The following KDM7A variants were observed in gnomAD, a reference collection of about 807,000 sequenced individuals.
KDM7A encodes the protein lysine-specific demethylase 7A.
A neutral mutation model predicts 114.8 loss-of-function variants in KDM7A; 28 were observed. The ratio of observed to expected loss-of-function variants is 0.24; its 90% CI spans 0.18 to 0.33. KDM7A has a LOEUF of 0.33. KDM7A is among the 10% of genes least tolerant of loss of function. KDM7A has a pLI of 1.00. For synonymous variants in KDM7A, 423 were observed against 397.8 expected (o/e 1.06, Z -0.75); for missense variants, 942 against 1,142.5 (o/e 0.82, Z 2.53).
At chr7:140,095,329 A>C (rs905096769) in intron 17 of KDM7A, among the ~76,000 whole-genome samples, 1 of 152,238 alleles carries the variant, frequency 6.6e-6, no homozygotes, top group African/African-American at 2.4e-5. Context: ...CAGTACAAAA[A>C]GAGACAAACC....
intron 1 of KDM7A, among the ~76,000 whole-genome samples, chr7:140,167,231 T>C (rs62491436): frequency 0.062 from 9,363 of 152,120 alleles, 355 homozygotes; most frequent in Non-Finnish European, 0.09. Flanking sequence ...TTGAATAAAA[T>C]TAGACAGGTT....
Position 140,099,984 on chromosome 7 carries a change from G to A in KDM7A, c.1678C>T (p.His560Tyr). Residue 560 changes from histidine (H) to tyrosine (Y), a missense_variant, in exon 13 of 20, where the codon CAT becomes TAT. His to Tyr is a moderately conservative substitution (Grantham distance 83, BLOSUM62 2). Transcript: ENST00000397560. Reference protein sequence around the residue: ...SSKLNGKFNKHLQPSSTVPEW... With the variant: ...SSKLNGKFNKYLQPSSTVPEW... ...GGTACTGTGGAGGATGGTTGGAGAT[G>A]TTTGTTGAATTTTCCATTCAGTTTA... 2 of 1,613,788 alleles carry A rather than the reference G, an allele frequency of 1.2e-6. No individual in the cohort carries two copies. Among genetic ancestry groups the A allele is most frequent in the East Asian group, 2.2e-5 (1 of 44,880 alleles).
At chr7:140,168,827 T>G (rs2116858236) in intron 1 of KDM7A, among the ~76,000 whole-genome samples, 1 of 152,238 alleles carries the variant, frequency 6.6e-6, no homozygotes, top group East Asian at 1.9e-4. Context: ...TTTACAGGAT[T>G]GAACAAATAT....
At chr7:140,139,782 G>C (rs1450736888) in intron 1 of KDM7A, among the ~76,000 whole-genome samples, 2 of 152,104 alleles carry the variant, frequency 1.3e-5, no homozygotes, top group African/African-American at 4.8e-5. Context: ...TCTTTGAAAA[G>C]ATTAACAAAG....
intron 13 of KDM7A, 105 bp from the exon 14 acceptor site, chr7:140,099,138 C>T: frequency 2.3e-6 from 2 of 875,820 alleles, no homozygotes; most frequent in Non-Finnish European, 3.5e-6. Context: ...AATTGAGACA[C>T]TGTCCCCATA....
intron 2 of KDM7A, among the ~76,000 whole-genome samples, chr7:140,135,037 TA>T (rs58259207): frequency 0.025 from 3,180 of 127,382 alleles, 75 homozygotes; most frequent in African/African-American, 0.067. Flanking sequence ...TAAGTCCCAT[TA>T]AAAAAAAAAA....
intron 1 of KDM7A, among the ~76,000 whole-genome samples, chr7:140,171,581 A>ATTTT (rs372430399): frequency 2.2e-4 from 31 of 144,104 alleles, no homozygotes; most frequent in East Asian, 5.9e-4. Flanking sequence ...ATATATATAT[A>ATTTT]TTTTTATATA....
At chr7:140,136,917 G>A (rs1818879711) in intron 2 of KDM7A, among the ~76,000 whole-genome samples, 1 of 152,144 alleles carries the variant, frequency 6.6e-6, no homozygotes, top group Non-Finnish European at 1.5e-5. Context: ...AACCTGTGAG[G>A]CGGAGGTTGC....
chr7:140,130,992 T>G (rs1239056822), intron 3 of KDM7A, among the ~76,000 whole-genome samples: 1 of 151,348 alleles, frequency 6.6e-6, no homozygotes, highest in Non-Finnish European at 1.5e-5. Flanking sequence ...TAGCTGGGAC[T>G]ACAGGCGCCC....
chr7:140,099,123 T>A, intron 13 of KDM7A, 90 bp from the exon 14 acceptor site: 1 of 976,464 alleles, frequency 1.0e-6, no homozygotes, highest in Non-Finnish European at 1.5e-6. Flanking sequence ...TTACAAAGAG[T>A]AGAGAATTGA....
chr7:140,155,625 A>G (rs1412321400), intron 1 of KDM7A, among the ~76,000 whole-genome samples: 2 of 152,222 alleles, frequency 1.3e-5, no homozygotes, highest in Admixed American at 1.3e-4. Flanking sequence ...ATTAGGAGAC[A>G]GTGGGAACTG....
chr7:140,091,916 A>G lies in KDM7A; in HGVS notation c.2619T>C (p.Asn873=), dbSNP rs10252951. 1.9e-6 allele frequency: 3 copies of G among 1,613,856 alleles called. No homozygotes were observed. The highest frequency in any genetic ancestry group is 2.5e-6 in the Non-Finnish European group (3 of 1,179,980). Residue 873 remains asparagine (N), a synonymous_variant, in exon 19 of 20, where the codon AAT becomes AAC. Coordinates refer to ENST00000397560, the MANE Select transcript of KDM7A (RefSeq NM_030647.2). ...CTGGCCTTTCTGGGCTTAGACTGCC[A>G]TTACTTATCTGGCACGCCCCCGAAG... ...NLTSGACQIS[N]GSLSPERPVG...
At chr7:140,123,788 A>G (rs6951217) in intron 7 of KDM7A, among the ~76,000 whole-genome samples, 52,706 of 152,082 alleles carry the variant, frequency 0.35, 9,389 homozygotes, top group Middle Eastern at 0.43. Context: ...TAAGCCTAGA[A>G]AATAGTATGC....
intron 1 of KDM7A, among the ~76,000 whole-genome samples, chr7:140,151,488 TAAAGGGATAGAAAATGAATGTGAGGGGGA>T (rs2116836301): frequency 6.6e-6 from 1 of 152,300 alleles, no homozygotes; most frequent in East Asian, 1.9e-4. Flanking sequence ...TTTGCAAATA[TAAAGGGATAGAAAATGAATGTGAGGGGGA>T]AAGTACAGAA....
At chr7:140,128,723 T>C (rs1818744201) in intron 4 of KDM7A, among the ~76,000 whole-genome samples, 1 of 152,248 alleles carries the variant, frequency 6.6e-6, no homozygotes. Flanking sequence ...TTCTCAGATA[T>C]TCCATGCTGA....
intron 1 of KDM7A, among the ~76,000 whole-genome samples, chr7:140,174,291 T>C (rs947819663): frequency 2.6e-5 from 4 of 152,242 alleles, no homozygotes; most frequent in African/African-American, 9.6e-5. Context: ...CAAGGATTGA[T>C]GGTCAAAAAG....
intron 14 of KDM7A, among the ~76,000 whole-genome samples, 175 bp from the exon 15 acceptor site, chr7:140,097,817 C>T (rs1473263718): frequency 1.3e-5 from 2 of 152,104 alleles, no homozygotes; most frequent in African/African-American, 4.8e-5. Flanking sequence ...GTCTTTCTCC[C>T]TAATTGGCCA....
rs187543087 is a variant in KDM7A, at chr7:140,092,311, G to A, written c.2458-234C>T. ...TAAGAAGGCGAAAGAGAGAGTGAGA[G>A]AAAACAACGTAAACAGGCACCACGC... On this transcript the variant is annotated intron_variant, in intron 18 of 19. Coordinates refer to ENST00000397560, the MANE Select transcript of KDM7A (RefSeq NM_030647.2). Among the ~76,000 whole-genome samples the A allele has an allele frequency of 1.2e-3, 177 of 152,284 alleles. 1 individual carries two copies. The highest frequency in any genetic ancestry group is 4.4e-3 in the Admixed American group (68 of 15,302).
At chr7:140,114,176 C>G (rs1254806084) in intron 9 of KDM7A, among the ~76,000 whole-genome samples, 2 of 152,076 alleles carry the variant, frequency 1.3e-5, no homozygotes, top group African/African-American at 4.8e-5. Flanking sequence ...AAACGCCCCT[C>G]CCCCTTCCCC....
Sources: gnomAD v4.1 joint callset for allele counts (sites outside exome capture counted in the v4.1 genomes callset) on GRCh38, gnomAD v4.1.1 for gene constraint, MANE v1.5 for transcripts, NCBI Gene and HGNC (gene_info 2026-07-23, HGNC 2026-07-21) for gene names.